LRFN4: variants seen among roughly 807,000 people sequenced by gnomAD.
LRFN4 encodes the protein leucine-rich repeat and fibronectin type-III domain-containing protein 4.
Under a neutral mutation model 29.0 loss-of-function variants are expected in LRFN4, and 10 were observed. The ratio of observed to expected loss-of-function variants is 0.35; its 90% CI spans 0.21 to 0.59. LRFN4 has a LOEUF of 0.59. Ranked by LOEUF, LRFN4 falls within the 20% of genes least tolerant of loss-of-function variation. The pLI, the probability that LRFN4 is intolerant of heterozygous loss-of-function variation, is 0.82. For synonymous variants in LRFN4, 493 were observed against 437.0 expected, an observed-to-expected ratio of 1.13 and a Z score of -1.60; for missense variants, 850 against 907.9, an observed-to-expected ratio of 0.94 and a Z score of 0.82.
rs148329620 is a variant in LRFN4, at chr11:66,858,094, G to A, written c.350G>A (p.Arg117Gln). The A allele has an allele frequency of 2.7e-5, 43 of 1,609,278 alleles. No individual in the cohort carries two copies. The Admixed American group carries it at 3.3e-4, about 12-fold the overall frequency. ...GTGGAGCTGGGCACCGGGAGCCTCC[G>A]GGGCCCCGTCAATCTGCAGCACCTC... is the stretch of plus-strand genomic sequence containing the variant. ...RLVELGTGSL[R>Q]GPVNLQHLIL... is the part of the protein sequence containing the mutation. Residue 117 changes from arginine (R) to glutamine (Q), a missense_variant, in exon 1 of 2, where the codon CGG becomes CAG. Arg to Gln is a conservative substitution (Grantham distance 43, BLOSUM62 1). This residue lies in a region of LRFN4 where 744 missense variants were observed against 753.8 expected (regional missense o/e 0.99). Transcript: ENST00000309602. This position sits in a 1 kb window ranked among gnomAD's most constrained non-coding sequence, Gnocchi z 5.9.
Position 66,857,548 on chromosome 11 carries a change from A to T in LRFN4, c.-197A>T. ...CCCCCTTAACTGCTTGGGAAATGTG[A>T]CCTTTGCTCTGGGGGGCCTGGCCCT... On this transcript the variant is annotated 5_prime_UTR_variant, in exon 1 of 2. The change abolishes the stop of an existing upstream ORF in the 5' untranslated region. Transcript: ENST00000309602. This position sits in a 1 kb window ranked among gnomAD's most constrained non-coding sequence, Gnocchi z 7.1. The T allele has an allele frequency of 1.7e-6, 1 of 582,772 alleles. No homozygotes were observed. The highest frequency in any genetic ancestry group is 2.9e-5 in the East Asian group (1 of 34,792). The allele number at this position is 582,772 out of a possible 1,614,324, so 36.1% of individuals were successfully genotyped here.
In LRFN4 at chr11:66,858,166, A is replaced by C. The variant is rs1185043821; in HGVS notation, c.422A>C (p.Asp141Ala). The change falls in exon 1 of 2, where the codon GAC becomes GCC. Residue 141 changes from aspartate to alanine, a missense_variant. Around this residue, in one of 2 missense-constraint regions of LRFN4, gnomAD observed 744 missense variants for 753.8 expected, o/e 0.99. Coordinates refer to ENST00000309602, the MANE Select transcript of LRFN4 (RefSeq NM_024036.5). This position sits in a 1 kb window ranked among gnomAD's most constrained non-coding sequence, Gnocchi z 5.9. The stretch of plus-strand genomic sequence containing the variant: ...GGCCGCATCGCGCCGGGAGCCTTCG[A>C]CGACTTCCTAGAGAGCCTGGAGGAC... The part of the protein sequence containing the change: ...QLGRIAPGAF[D>A]DFLESLEDLD... The C allele has an allele frequency of 6.2e-7, 1 of 1,610,840 alleles. No individual in the cohort carries two copies. Among genetic ancestry groups the C allele is most frequent in the South Asian group, 1.1e-5 (1 of 91,040 alleles).
Position 66,858,118 on chromosome 11 carries a change from T to A in LRFN4, c.374T>A (p.Leu125His). 8 of 1,610,584 alleles carry A rather than the reference T, an allele frequency of 5.0e-6. No individual in the cohort carries two copies. The highest frequency in any genetic ancestry group is 6.8e-6 in the Non-Finnish European group (8 of 1,178,864). Residue 125 changes from leucine (L) to histidine (H), a missense_variant, in exon 1 of 2, where the codon CTC becomes CAC. Leu to His is a moderately conservative substitution (Grantham distance 99). Transcript: ENST00000309602. This position sits in a 1 kb window ranked among gnomAD's most constrained non-coding sequence, Gnocchi z 5.9. ...SLRGPVNLQH[L>H]ILSGNQLGRI... ...CGGGGCCCCGTCAATCTGCAGCACC[T>A]CATCCTCAGCGGCAACCAGCTGGGC...
At position 66,858,057 on chromosome 11, in the gene LRFN4, G is replaced by A. The variant is rs774150515; in HGVS notation, c.313G>A (p.Gly105Ser). The A allele has an allele frequency of 2.5e-6, 4 of 1,610,260 alleles. No individual in the cohort carries two copies. In the East Asian group the frequency reaches 6.7e-5, roughly 27 times the overall value. Reference sequence around the variant, plus strand: ...GAGCCTGCGTTCCCTCCACCTTGACGGCAACAGGCTGGTGGAGCTGGGCAC... The same window carrying A: ...GAGCCTGCGTTCCCTCCACCTTGACAGCAACAGGCTGGTGGAGCTGGGCAC... The part of the protein sequence containing the change: ...LESLRSLHLD[G>S]NRLVELGTGS... Residue 105 changes from glycine to serine, a missense_variant, in exon 1 of 2, where the codon GGC (glycine) becomes AGC (serine). Coordinates refer to ENST00000309602, the MANE Select transcript of LRFN4 (RefSeq NM_024036.5). The surrounding 1 kb of genome is among the most constrained non-coding windows in gnomAD (Gnocchi z 5.9).
At position 66,858,766 on chromosome 11, in the gene LRFN4, C is replaced by A. The variant is rs1269339879; in HGVS notation, c.1022C>A (p.Thr341Asn). 1 of 1,551,480 alleles carries A rather than the reference C, an allele frequency of 6.4e-7. No individual in the cohort carries two copies. Among genetic ancestry groups the A allele is most frequent in the African/African-American group, 1.4e-5 (1 of 73,392 alleles). ...AACGGGACCTTAGAGATTGGGGTGA[C>A]CGGCGCTGGGGACGCTGGGGGCTAC... Reference protein sequence around the residue: ...FPNGTLEIGVTGAGDAGGYTC... With the variant: ...FPNGTLEIGVNGAGDAGGYTC... The change falls in exon 1 of 2, where the codon ACC becomes AAC. Residue 341 changes from threonine (T) to asparagine (N), a missense_variant. Thr to Asn is a moderately conservative substitution (Grantham distance 65). This residue lies in a region of LRFN4 where 744 missense variants were observed against 753.8 expected (regional missense o/e 0.99). Coordinates refer to ENST00000309602, the MANE Select transcript of LRFN4 (RefSeq NM_024036.5). The surrounding 1 kb of genome is among the most constrained non-coding windows in gnomAD (Gnocchi z 5.9).
At position 66,858,114 on chromosome 11, in the gene LRFN4, C is replaced by T. The variant is rs758854756; in HGVS notation, c.370C>T (p.His124Tyr). The change falls in exon 1 of 2, where the codon CAC becomes TAC. Residue 124 changes from histidine (H) to tyrosine (Y), a missense_variant. Coordinates refer to ENST00000309602, the MANE Select transcript of LRFN4 (RefSeq NM_024036.5). This position sits in a 1 kb window ranked among gnomAD's most constrained non-coding sequence, Gnocchi z 5.9. ...CCTCCGGGGCCCCGTCAATCTGCAG[C>T]ACCTCATCCTCAGCGGCAACCAGCT... ...GSLRGPVNLQ[H>Y]LILSGNQLGR... The T allele has an allele frequency of 6.2e-7, 1 of 1,610,552 alleles. No homozygotes were observed. Among genetic ancestry groups the T allele is most frequent in the South Asian group, 1.1e-5 (1 of 91,042 alleles).
Position 66,857,789 on chromosome 11 carries a change from C to T in LRFN4, c.45C>T (p.Ala15=). The part of the protein sequence containing the change: ...LLLLLLASGA[A]ACPLPCVCQN... ...TGCTGCTGCTGGCCAGTGGAGCGGC[C>T]GCCTGCCCGCTGCCCTGCGTCTGCC... Residue 15 remains alanine (A), a synonymous_variant, in exon 1 of 2, where the codon GCC becomes GCT. Coordinates refer to ENST00000309602, the MANE Select transcript of LRFN4 (RefSeq NM_024036.5). The surrounding 1 kb of genome is among the most constrained non-coding windows in gnomAD (Gnocchi z 7.1). The T allele has an allele frequency of 8.1e-6, 13 of 1,597,536 alleles. No homozygotes were observed. Among genetic ancestry groups the T allele is most frequent in the Non-Finnish European group, 9.3e-6 (11 of 1,178,374 alleles).
Position 66,858,877 on chromosome 11 carries a change from G to A in LRFN4, c.1133G>A (p.Ser378Asn). The A allele has an allele frequency of 6.4e-7, 1 of 1,553,114 alleles. No homozygotes were observed. The highest frequency in any genetic ancestry group is 8.7e-7 in the Non-Finnish European group (1 of 1,148,504). ...GCCTTGCCCCATGGTGGGAACAGCA[G>A]TGCCGAGGGGGGCCGCCCCGGGCCC... ...VLALPHGGNS[S>N]AEGGRPGPSD... Residue 378 changes from serine (S) to asparagine (N), a missense_variant, in exon 1 of 2, where the codon AGT becomes AAT. Physicochemically the swap from Ser to Asn is conservative, Grantham distance 46 (BLOSUM62 1). Coordinates refer to ENST00000309602, the MANE Select transcript of LRFN4 (RefSeq NM_024036.5). The surrounding 1 kb of genome is among the most constrained non-coding windows in gnomAD (Gnocchi z 5.9).
rs1310586071 is a variant in LRFN4 at position 66,857,917 on chromosome 11, A to G, written c.173A>G (p.Asn58Ser). ...RRTVELRLADNFIQALGPPDF... is the reference protein window; with the variant it reads ...RRTVELRLADSFIQALGPPDF... ...ACAGTGGAGCTGCGGCTGGCTGACA[A>G]CTTCATCCAGGCCCTGGGGCCCCCT... Residue 58 changes from asparagine to serine, a missense_variant, in exon 1 of 2, where the codon AAC becomes AGC. By Grantham distance (46) the Asn-to-Ser change is conservative (BLOSUM62 1). Coordinates refer to ENST00000309602, the MANE Select transcript of LRFN4 (RefSeq NM_024036.5). The surrounding 1 kb of genome is among the most constrained non-coding windows in gnomAD (Gnocchi z 7.1). 6.2e-7 allele frequency: 1 copy of G among 1,612,272 alleles called. No individual in the cohort carries two copies. The highest frequency in any genetic ancestry group is 1.7e-5 in the Admixed American group (1 of 60,020).
In LRFN4 at chr11:66,859,245, G is replaced by A. The variant is rs563404603; in HGVS notation, c.1349+152G>A. 195 of 1,106,184 alleles carry A rather than the reference G, an allele frequency of 1.8e-4. 3 individuals are homozygous for A. In the South Asian group the frequency reaches 3.2e-3, roughly 18 times the overall value. 68.5% of individuals were successfully genotyped at this position (1,106,184 alleles called of 1,614,324 possible). ...TGGACTCTTGGAGGAGCAGTGGCCT[G>A]GCCTGGCCTGGCTGCCTGAGGGGGC... On this transcript the variant is annotated intron_variant, in intron 1 of 1. Coordinates refer to ENST00000309602, the MANE Select transcript of LRFN4 (RefSeq NM_024036.5).
chr11:66,858,895 C>A lies in LRFN4; in HGVS notation c.1151C>A (p.Pro384His), dbSNP rs1216166528. The A allele has an allele frequency of 1.9e-6, 3 of 1,561,766 alleles. No homozygotes were observed. The highest frequency in any genetic ancestry group is 1.9e-5 in the Admixed American group (1 of 53,836). The change falls in exon 1 of 2, where the codon CCC becomes CAC. Residue 384 changes from proline (P) to histidine (H), a missense_variant. Pro to His is a moderately conservative substitution (Grantham distance 77). Coordinates refer to ENST00000309602, the MANE Select transcript of LRFN4 (RefSeq NM_024036.5). The surrounding 1 kb of genome is among the most constrained non-coding windows in gnomAD (Gnocchi z 5.9). ...AACAGCAGTGCCGAGGGGGGCCGCCCCGGGCCCTCGGACATCGCCGCCTCC... is the reference window on the plus strand; with the variant it reads ...AACAGCAGTGCCGAGGGGGGCCGCCACGGGCCCTCGGACATCGCCGCCTCC... ...GGNSSAEGGR[P>H]GPSDIAASAR...
intron 1 of LRFN4, among the ~76,000 whole-genome samples, chr11:66,859,380 G>A (rs1946098936): frequency 6.6e-6 from 1 of 152,156 alleles, no homozygotes; most frequent in Non-Finnish European, 1.5e-5. Context: ...TGAAGCACAT[G>A]GCCCGCGCCC....
chr11:66,858,185 G>A lies in LRFN4; in HGVS notation c.441G>A (p.Leu147=). ...CCTTCGACGACTTCCTAGAGAGCCT[G>A]GAGGACCTGGACCTGTCCTACAACA... ...PGAFDDFLES[L]EDLDLSYNNL... The change falls in exon 1 of 2, where the codon CTG becomes CTA. Residue 147 remains leucine (L), a synonymous_variant. Transcript: ENST00000309602. This position sits in a 1 kb window ranked among gnomAD's most constrained non-coding sequence, Gnocchi z 5.9. The A allele has an allele frequency of 6.2e-7, 1 of 1,611,844 alleles. No individual in the cohort carries two copies.
chr11:66,857,537 T>A lies in LRFN4; in HGVS notation c.-208T>A. The A allele has an allele frequency of 1.7e-6, 1 of 576,758 alleles. No individual in the cohort carries two copies. The highest frequency in any genetic ancestry group is 3.0e-6 in the Non-Finnish European group (1 of 328,710). The allele number at this position is 576,758 out of a possible 1,614,324, so 35.7% of individuals were successfully genotyped here. On this transcript the variant is annotated 5_prime_UTR_variant, in exon 1 of 2. Transcript: ENST00000309602. This position sits in a 1 kb window ranked among gnomAD's most constrained non-coding sequence, Gnocchi z 7.1. Reference sequence around the variant, plus strand: ...GCGCCTGGACTCCCCCTTAACTGCTTGGGAAATGTGACCTTTGCTCTGGGG... The same window carrying A: ...GCGCCTGGACTCCCCCTTAACTGCTAGGGAAATGTGACCTTTGCTCTGGGG...
chr11:66,857,919 T>C lies in LRFN4; in HGVS notation c.175T>C (p.Phe59Leu). 6.2e-7 allele frequency: 1 copy of C among 1,612,182 alleles called. No individual in the cohort carries two copies. Among genetic ancestry groups the C allele is most frequent in the Non-Finnish European group, 8.5e-7 (1 of 1,179,874 alleles). ...RTVELRLADN[F>L]IQALGPPDFR... is the part of the protein sequence containing the mutation. ...AGTGGAGCTGCGGCTGGCTGACAAC[T>C]TCATCCAGGCCCTGGGGCCCCCTGA... The change falls in exon 1 of 2, where the codon TTC becomes CTC. Residue 59 changes from phenylalanine to leucine, a missense_variant. Phe to Leu is a conservative substitution (Grantham distance 22). This residue lies in a region of LRFN4 where 106 missense variants were observed against 154.2 expected (regional missense o/e 0.69). Coordinates refer to ENST00000309602, the MANE Select transcript of LRFN4 (RefSeq NM_024036.5). This position sits in a 1 kb window ranked among gnomAD's most constrained non-coding sequence, Gnocchi z 7.1.
In LRFN4 at chr11:66,860,242, C is replaced by T. The variant is rs1449354498; in HGVS notation, c.*47C>T. ...GCTCCAAGGGATGAGCCTCGTGGGGCAGAGGGCCCGGGGCCGCCGCCTGGC... is the reference window on the plus strand; with the variant it reads ...GCTCCAAGGGATGAGCCTCGTGGGGTAGAGGGCCCGGGGCCGCCGCCTGGC... On this transcript the variant is annotated 3_prime_UTR_variant, in exon 2 of 2. Coordinates refer to ENST00000309602, the MANE Select transcript of LRFN4 (RefSeq NM_024036.5). 3 of 1,538,218 alleles carry T rather than the reference C, an allele frequency of 2.0e-6. No homozygotes were observed. Among genetic ancestry groups the T allele is most frequent in the South Asian group, 2.4e-5 (2 of 84,072 alleles).
At position 66,859,151 on chromosome 11, in the gene LRFN4, C is replaced by T; in HGVS notation, c.1349+58C>T. 4 of 1,466,994 alleles carry T rather than the reference C, an allele frequency of 2.7e-6. No homozygotes were observed. The South Asian group carries it at 4.5e-5, about 16-fold the overall frequency. 90.9% of individuals were successfully genotyped at this position (1,466,994 alleles called of 1,614,324 possible). ...CCCGGCGCCCTTCCTCCGCCCTCTG[C>T]TCCCCACAAGGCTTTGCTTCCACCC... On this transcript the variant is annotated intron_variant, in intron 1 of 1. Transcript: ENST00000309602.
At chr11:66,859,206 C>G in intron 1 of LRFN4, 113 bp downstream of exon 1, 1 of 1,302,158 alleles carries the variant, frequency 7.7e-7, no homozygotes, top group East Asian at 2.6e-5. Context: ...CACCCCCTCC[C>G]CGACCATGGC....
Position 66,858,883 on chromosome 11 carries a change from A to AG in LRFN4, c.1145dup (p.Arg383ProfsTer18), listed in dbSNP as rs1258972997. ...CCCCATGGTGGGAACAGCAGTGCCG[A>AG]GGGGGGCCGCCCCGGGCCCTCGGAC... is the stretch of plus-strand genomic sequence containing the variant. On this transcript the variant is annotated frameshift_variant, in exon 1 of 2. Transcript: ENST00000309602. LOFTEE classifies it high-confidence loss of function. The surrounding 1 kb of genome is among the most constrained non-coding windows in gnomAD (Gnocchi z 5.9). The AG allele has an allele frequency of 1.9e-6, 3 of 1,560,198 alleles. No individual in the cohort carries two copies. The highest frequency in any genetic ancestry group is 1.4e-5 in the African/African-American group (1 of 73,508).
Sources: gnomAD v4.1 joint callset for allele counts (sites outside exome capture counted in the v4.1 genomes callset) on GRCh38, gnomAD v4.1.1 for gene constraint, gnomAD v4.1.1 regional missense constraint, Gnocchi (gnomAD v3.1) non-coding constraint, MANE v1.5 for transcripts, NCBI Gene and HGNC (gene_info 2026-07-23, HGNC 2026-07-21) for gene names.